UNC93A: variants seen among roughly 807,000 people sequenced by gnomAD.
UNC93A encodes the protein unc-93 homolog A.
UNC93A carries 43 observed loss-of-function variants against 47.5 expected under a neutral mutation model. The observed-to-expected ratio is 0.91, with a 90% CI of 0.71 to 1.17. The LOEUF (loss-of-function observed/expected upper bound fraction) is 1.17, where lower values mean the gene tolerates loss of function less well. Among genes scored for constraint, UNC93A ranks in the 50% most tolerant of loss-of-function variants. The pLI, the probability that UNC93A is intolerant of heterozygous loss-of-function variation, is 0.00. For synonymous variants in UNC93A, 280 were observed against 258.0 expected, an observed-to-expected ratio of 1.09 and a Z score of -0.82; for missense variants, 605 against 577.6, an observed-to-expected ratio of 1.05 and a Z score of -0.49.
intron 5 of UNC93A, 151 bp from the exon 6 acceptor site, chr6:167,305,764 C>T: frequency 3.7e-6 from 4 of 1,092,260 alleles, no homozygotes; most frequent in Non-Finnish European, 5.3e-6. Context: ...TTTTCTCCTG[C>T]ATGGGAGCCA....
intron 1 of UNC93A, among the ~76,000 whole-genome samples, chr6:167,279,442 G>A (rs190895172): frequency 3.3e-5 from 5 of 152,060 alleles, no homozygotes; most frequent in African/African-American, 7.2e-5. Flanking sequence ...CCCTCCTATC[G>A]TATGTGTAAA....
chr6:167,299,907 C>T (rs1778193685), intron 4 of UNC93A, among the ~76,000 whole-genome samples: 1 of 152,192 alleles, frequency 6.6e-6, no homozygotes, highest in African/African-American at 2.4e-5. Flanking sequence ...TGACAGACCC[C>T]ATGCCAGCGT....
intron 5 of UNC93A, among the ~76,000 whole-genome samples, chr6:167,305,436 G>C (rs1031421036): frequency 2.0e-5 from 3 of 152,194 alleles, no homozygotes; most frequent in African/African-American, 7.2e-5. Context: ...CCGCCCTTGA[G>C]GTCGCCCGTG....
At chr6:167,280,377 CAT>C (rs1783612105) in intron 1 of UNC93A, among the ~76,000 whole-genome samples, 1 of 152,174 alleles carries the variant, frequency 6.6e-6, no homozygotes, top group Admixed American at 6.5e-5. Flanking sequence ...ATTTCAATAA[CAT>C]ATGAATTACT....
intron 7 of UNC93A, among the ~76,000 whole-genome samples, chr6:167,313,130 A>G (rs1473507744): frequency 6.6e-6 from 1 of 152,112 alleles, no homozygotes; most frequent in East Asian, 1.9e-4. Flanking sequence ...CTGGGGCCAC[A>G]CCTGTCTTCT....
chr6:167,285,208 C>T (rs995095475), intron 1 of UNC93A, among the ~76,000 whole-genome samples: 5 of 147,452 alleles, frequency 3.4e-5, no homozygotes, highest in Admixed American at 6.8e-5. Flanking sequence ...CTCCCTGCCA[C>T]ACAGGCTGGC....
At chr6:167,269,309 G>C (rs78138671), upstream of UNC93A, among the ~76,000 whole-genome samples, 5 of 152,336 alleles carry the variant, frequency 3.3e-5, no homozygotes, top group East Asian at 9.6e-4. Context: ...AGCTGTAGTG[G>C]ATACAGTTGA....
chr6:167,309,190 C>T (rs1056447612), intron 7 of UNC93A, among the ~76,000 whole-genome samples: 12 of 152,334 alleles, frequency 7.9e-5, no homozygotes, highest in African/African-American at 2.9e-4. Context: ...CGCACCACTG[C>T]ACTCATGCCA....
At chr6:167,286,760 C>G (rs988298100), upstream of UNC93A, among the ~76,000 whole-genome samples, 2 of 152,014 alleles carry the variant, frequency 1.3e-5, no homozygotes, top group Non-Finnish European at 2.9e-5. Flanking sequence ...GGCGGATTGC[C>G]TGAGCTCAAG....
At chr6:167,312,285 G>A (rs917119992) in intron 7 of UNC93A, among the ~76,000 whole-genome samples, 2 of 151,042 alleles carry the variant, frequency 1.3e-5, no homozygotes, top group Non-Finnish European at 3.0e-5. Flanking sequence ...CCTTGATCCC[G>A]TTGGCTCCGT....
intron 1 of UNC93A, among the ~76,000 whole-genome samples, chr6:167,283,854 T>C (rs547455654): frequency 1.3e-5 from 2 of 152,268 alleles, no homozygotes; most frequent in East Asian, 1.9e-4. Context: ...ACTTACGATG[T>C]TAAAAAGACA....
chr6:167,276,784 T>C (rs1312197619), intron 1 of UNC93A, among the ~76,000 whole-genome samples: 1 of 152,168 alleles, frequency 6.6e-6, no homozygotes, highest in African/African-American at 2.4e-5. Context: ...TATTTATGGG[T>C]AGCATTCTTT....
upstream of UNC93A, among the ~76,000 whole-genome samples, chr6:167,287,292 T>C (rs1033863243): frequency 2.6e-5 from 4 of 152,192 alleles, no homozygotes; most frequent in African/African-American, 9.7e-5. Flanking sequence ...CTGGTGATGC[T>C]TGGGTCCAGC....
At chr6:167,296,585 C>T (rs1778095536) in intron 3 of UNC93A, among the ~76,000 whole-genome samples, 1 of 152,226 alleles carries the variant, frequency 6.6e-6, no homozygotes, top group African/African-American at 2.4e-5. Context: ...CTCAACTGCA[C>T]AACTGTCCTT....
chr6:167,294,845 C>A, intron 2 of UNC93A, 147 bp downstream of exon 2: 1 of 881,142 alleles, frequency 1.1e-6, no homozygotes, highest in Admixed American at 2.9e-5. Flanking sequence ...ACCCCCGCCT[C>A]GCTTTGGTGA....
At position 167,291,587 on chromosome 6, in the gene UNC93A, C is replaced by G. The variant is rs769897059; in HGVS notation, c.87+11C>G. ...CTGCAGAGCCTGCAGGTATGTGTGTCCGGTCATCAAATTACCTGAACTTCT... is the reference window on the plus strand; with the variant it reads ...CTGCAGAGCCTGCAGGTATGTGTGTGCGGTCATCAAATTACCTGAACTTCT... On this transcript the variant is annotated intron_variant, in intron 1 of 7. Coordinates refer to ENST00000230256, the MANE Select transcript of UNC93A (RefSeq NM_018974.4). The G allele has an allele frequency of 1.4e-5, 22 of 1,600,256 alleles. No individual in the cohort carries two copies. The highest frequency in any genetic ancestry group is 3.4e-6 in the Non-Finnish European group (4 of 1,174,842).
intron 4 of UNC93A, among the ~76,000 whole-genome samples, chr6:167,300,055 G>T (rs1303553732): frequency 7.2e-6 from 1 of 139,566 alleles, no homozygotes; most frequent in Admixed American, 6.9e-5. Flanking sequence ...GGTTGGACAT[G>T]GTGTGGGGAA....
intron 1 of UNC93A, among the ~76,000 whole-genome samples, chr6:167,271,809 C>T (rs1783455544): frequency 1.3e-5 from 2 of 152,136 alleles, no homozygotes; most frequent in Non-Finnish European, 2.9e-5. Context: ...GATAGAGCTT[C>T]TAAACAAAAT....
At position 167,273,867 on chromosome 6, in the gene UNC93A, G is replaced by T. The variant is rs1168139299; in HGVS notation, c.-52+2409G>T. Among the ~76,000 whole-genome samples, 3 of 151,842 alleles carry T rather than the reference G, an allele frequency of 2.0e-5. No homozygotes were observed. In the East Asian group the frequency reaches 5.8e-4, roughly 29 times the overall value. On this transcript the variant is annotated intron_variant, in intron 1 of 3. Coordinates refer to the UNC93A transcript ENST00000503433. ...AATATCTGGGTTAGGATAAGGGGTT[G>T]TGGAGACCAAGGTCCTTACTATGCT...
Sources: allele counts gnomAD v4.1 joint callset (sites outside exome capture counted in the v4.1 genomes callset), GRCh38; gene constraint gnomAD v4.1.1; transcripts MANE v1.5; gene names NCBI Gene and HGNC (gene_info 2026-07-23, HGNC 2026-07-21).